Variants in PTPRD observed in about 807,000 individuals in gnomAD.
PTPRD encodes protein tyrosine phosphatase receptor type D, also known as receptor-type tyrosine-protein phosphatase delta.
A neutral mutation model predicts 214.5 loss-of-function variants in PTPRD; 34 were observed. That is an observed-to-expected ratio of 0.16 (90% CI 0.12 to 0.21). The LOEUF is 0.21. PTPRD is among the 10% of genes least tolerant of loss of function. PTPRD has a pLI of 1.00. For missense variants in PTPRD, 2,545 were observed against 2,398.7 expected (o/e 1.06, Z -1.27); for synonymous variants, 1,128 against 845.7 (o/e 1.33, Z -5.79).
At chr9:8,639,423 C>G (rs2096525570) in intron 12 of PTPRD, among the ~76,000 whole-genome samples, 1 of 149,482 alleles carries the variant, frequency 6.7e-6, no homozygotes, top group Non-Finnish European at 1.5e-5. Context: ...CTTTTCTTGT[C>G]CATAGCCTAA....
chr9:10,029,412 C>G (rs553532023), intron 4 of PTPRD, among the ~76,000 whole-genome samples: 47 of 152,306 alleles, frequency 3.1e-4, no homozygotes, highest in African/African-American at 1.1e-3. Context: ...CACAGACACT[C>G]AATGGCAGCT....
intron 2 of PTPRD, among the ~76,000 whole-genome samples, chr9:10,346,449 T>C (rs1480398392): frequency 6.6e-6 from 1 of 152,188 alleles, no homozygotes; most frequent in Non-Finnish European, 1.5e-5. Flanking sequence ...ACTGAAAAAT[T>C]ATATAAGAAT....
chr9:9,624,606 T>C (rs1230670062), intron 7 of PTPRD, among the ~76,000 whole-genome samples: 1 of 152,056 alleles, frequency 6.6e-6, no homozygotes. Flanking sequence ...GTAGCTGTTG[T>C]TTTAACCACC....
chr9:10,104,553 A>T (rs2098604761), intron 3 of PTPRD, among the ~76,000 whole-genome samples: 1 of 151,682 alleles, frequency 6.6e-6, no homozygotes, highest in African/African-American at 2.4e-5. Context: ...CTATAATGGG[A>T]TTGTTTTGCA....
Position 8,807,600 on chromosome 9 carries a change from T to C in PTPRD, c.-103-73654A>G, listed in dbSNP as rs867254512. On this transcript the variant is annotated intron_variant, in intron 11 of 45. Transcript: ENST00000381196. Reference sequence around the variant, plus strand: ...AATGGTTAAAGAACTTTGAATAGCTTTTTTTTTTTTTTTAAGGATTTTGCT... The same window carrying C: ...AATGGTTAAAGAACTTTGAATAGCTCTTTTTTTTTTTTTAAGGATTTTGCT... 2.1e-4 allele frequency among the ~76,000 whole-genome samples: 30 copies of C among 140,728 alleles called. No individual in the cohort carries two copies. The South Asian group carries it at 3.0e-3, about 14-fold the overall frequency. The allele number at this position is 140,728 out of a possible 152,430, so 92.3% of individuals were successfully genotyped here. A position where few individuals can be genotyped will look rare whatever the true frequency, so the allele number is the denominator to read the frequency against.
At chr9:10,050,558 T>TAA (rs2097514215) in intron 3 of PTPRD, among the ~76,000 whole-genome samples, 1 of 10,626 alleles carries the variant, frequency 9.4e-5, no homozygotes, top group Non-Finnish European at 1.5e-4. Flanking sequence ...AGAGTCTGTC[T>TAA]CAAAAAAAAA....
chr9:9,380,096 C>T (rs2061786330), intron 9 of PTPRD, among the ~76,000 whole-genome samples: 1 of 151,942 alleles, frequency 6.6e-6, no homozygotes, highest in African/African-American at 2.4e-5. Context: ...TAGTTGAAAA[C>T]CTTTGAGTGT....
At chr9:8,900,649 A>G (rs1424259152) in intron 11 of PTPRD, among the ~76,000 whole-genome samples, 2 of 152,170 alleles carry the variant, frequency 1.3e-5, no homozygotes, top group African/African-American at 2.4e-5. Flanking sequence ...ATGCTGTAGT[A>G]ATGATAGTAT....
At chr9:9,354,326 A>G (rs2052779816) in intron 9 of PTPRD, among the ~76,000 whole-genome samples, 1 of 151,792 alleles carries the variant, frequency 6.6e-6, no homozygotes, top group South Asian at 2.1e-4. Flanking sequence ...TACCACAACA[A>G]AATAAAATTT....
intron 11 of PTPRD, among the ~76,000 whole-genome samples, chr9:8,796,645 G>C (rs940935484): frequency 2.6e-5 from 4 of 152,030 alleles, no homozygotes; most frequent in African/African-American, 9.7e-5. Context: ...AAATCATCAT[G>C]TGCCTGATAA....
At chr9:10,273,371 C>A (rs1357095448) in intron 3 of PTPRD, among the ~76,000 whole-genome samples, 9 of 151,864 alleles carry the variant, frequency 5.9e-5, no homozygotes, top group African/African-American at 2.2e-4. Flanking sequence ...TTTTCCAAGC[C>A]TATAAGAAAA....
In PTPRD at chr9:9,160,221, T is replaced by A. The variant is rs888502537; in HGVS notation, c.-143+23083A>T. 3.9e-5 allele frequency among the ~76,000 whole-genome samples: 6 copies of A among 152,044 alleles called. 1 individual carries two copies. The highest frequency in any genetic ancestry group is 2.6e-4 in the Admixed American group (4 of 15,246). On this transcript the variant is annotated intron_variant, in intron 10 of 45. Transcript: ENST00000381196. Reference sequence around the variant, plus strand: ...TGTATCAAACTAAAATGCTTCTGCATAGCAAAGGAAATTATTAACAAAGTG... The same window carrying A: ...TGTATCAAACTAAAATGCTTCTGCAAAGCAAAGGAAATTATTAACAAAGTG...
chr9:8,862,063 A>T (rs1435293473), intron 11 of PTPRD: 1 of 152,252 alleles, frequency 6.6e-6, no homozygotes, highest in Non-Finnish European at 1.5e-5. Context: ...CTAGCACATA[A>T]GAAAGCTAAA....
chr9:10,161,121 T>A (rs1355123977), intron 3 of PTPRD, among the ~76,000 whole-genome samples: 3 of 151,894 alleles, frequency 2.0e-5, no homozygotes, highest in African/African-American at 7.2e-5. Context: ...AAGAATATTG[T>A]TAAAATGACA....
At chr9:10,500,835 A>T (rs2043448781) in intron 2 of PTPRD, among the ~76,000 whole-genome samples, 1 of 152,078 alleles carries the variant, frequency 6.6e-6, no homozygotes, top group South Asian at 2.1e-4. Flanking sequence ...TTCACTTAAC[A>T]TAATGACCTC....
At chr9:8,453,096 G>C (rs1374294034) in intron 33 of PTPRD, among the ~76,000 whole-genome samples, 3 of 152,262 alleles carry the variant, frequency 2.0e-5, no homozygotes, top group East Asian at 1.9e-4. Flanking sequence ...GATTAGAAGA[G>C]GATGTCTAAG....
intron 14 of PTPRD, among the ~76,000 whole-genome samples, chr9:8,554,595 A>C (rs1219010397): frequency 6.6e-6 from 1 of 152,232 alleles, no homozygotes; most frequent in Non-Finnish European, 1.5e-5. Flanking sequence ...TTAATAGGCT[A>C]AGAAATGGAC....
Position 8,685,054 on chromosome 9 carries a change from C to A in PTPRD, c.65-48210G>T, listed in dbSNP as rs1203657387. On this transcript the variant is annotated intron_variant, in intron 12 of 45. Coordinates refer to ENST00000381196, the MANE Select transcript of PTPRD (RefSeq NM_002839.4). ...CGGGGCTGGATGTCAAGATGCCCTT[C>A]TGTCCTGATATTTTTCAAGGGCAAC... 2.0e-5 allele frequency among the ~76,000 whole-genome samples: 3 copies of A among 152,050 alleles called. No homozygotes were observed. In the East Asian group the frequency reaches 5.8e-4, roughly 29 times the overall value.
In PTPRD at chr9:8,319,960, G is replaced by A. The variant is rs1299879772; in HGVS notation, c.5541C>T (p.Gly1847=). The A allele has an allele frequency of 2.0e-5, 33 of 1,610,906 alleles. No homozygotes were observed. Among genetic ancestry groups the A allele is most frequent in the Non-Finnish European group, 2.5e-5 (29 of 1,178,766 alleles). ...TTATGAAGACTCCAGTTCTTCCAAC[G>A]CCCGCGCTGCCACAATAACAAAGGC... The part of the protein sequence containing the change: ...DGPISVHCSA[G]VGRTGVFITL... The change falls in exon 45 of 46, where the codon GGC becomes GGT. Residue 1847 remains glycine (G), a synonymous_variant. Transcript: ENST00000381196.
Sources: gnomAD v4.1 joint callset for allele counts (sites outside exome capture counted in the v4.1 genomes callset) on GRCh38, gnomAD v4.1.1 for gene constraint, MANE v1.5 for transcripts, NCBI Gene and HGNC (gene_info 2026-07-23, HGNC 2026-07-21) for gene names.